Variants in SALL3 observed in about 807,000 individuals in gnomAD.
SALL3 encodes the protein spalt like transcription factor 3, also known as sal-like protein 3.
Under a neutral mutation model 66.2 loss-of-function variants are expected in SALL3, and 25 were observed. That is an observed-to-expected ratio of 0.38 (90% CI 0.28 to 0.53). SALL3 has a LOEUF of 0.53. Among genes scored for constraint, SALL3 ranks in the 20% least tolerant of loss-of-function variants. The pLI is 0.85. For missense variants in SALL3, 2,194 were observed against 1,916.5 expected (o/e 1.14, Z -2.70); for synonymous variants, 1,152 against 899.1 (o/e 1.28, Z -5.03).
chr18:78,995,566 C>G, intron 2 of SALL3, 104 bp downstream of exon 2: 1 of 1,446,626 alleles, frequency 6.9e-7, no homozygotes, highest in Non-Finnish European at 9.1e-7. Flanking sequence ...TGCTCCTATC[C>G]TGGCCAGGGG....
rs1224954501 is a variant in SALL3, at chr18:78,997,031, A to G, written c.3612A>G (p.Ala1204=). ...TCCAGAAGGACCTGGCAGCTCGGGC[A>G]ATGAACGTCGACCCCAGTTTTTGGA... ...EMFQKDLAAR[A]MNVDPSFWNQ... The change falls in exon 3 of 3, where the codon GCA becomes GCG. Residue 1204 remains alanine, a synonymous_variant. Transcript: ENST00000537592. 2 of 1,614,164 alleles carry G rather than the reference A, an allele frequency of 1.2e-6. No individual in the cohort carries two copies. The highest frequency in any genetic ancestry group is 1.7e-6 in the Non-Finnish European group (2 of 1,180,044).
chr18:78,991,921 TAGAA>T (rs1397041370), intron 1 of SALL3, 149 bp from the exon 2 acceptor site: 7 of 535,710 alleles, frequency 1.3e-5, no homozygotes, highest in African/African-American at 9.9e-5. Flanking sequence ...ATTAGCTAGC[TAGAA>T]AGAGTCATAG....
At position 78,994,683 on chromosome 18, in the gene SALL3, G is replaced by C. The variant is rs199567878; in HGVS notation, c.2692G>C (p.Glu898Gln). 21 of 1,608,014 alleles carry C rather than the reference G, an allele frequency of 1.3e-5. No individual in the cohort carries two copies. In the South Asian group the frequency reaches 2.0e-4, roughly 15 times the overall value. The change falls in exon 2 of 3, where the codon GAG becomes CAG. Residue 898 changes from glutamate (E) to glutamine (Q), a missense_variant. Coordinates refer to ENST00000537592, the MANE Select transcript of SALL3 (RefSeq NM_171999.4). ...SRSAGSPALS[E>Q]SSSSQALSPA... ...CAGCGCGGGCAGCCCCGCCCTGTCC[G>C]AGTCCTCGTCCTCGCAGGCCCTGTC...
intron 1 of SALL3, among the ~76,000 whole-genome samples, chr18:78,987,583 G>GA (rs778269826): frequency 2.3e-3 from 341 of 150,578 alleles, no homozygotes; most frequent in African/African-American, 3.7e-3. Context: ...AAATTAAATG[G>GA]AAAAAAAAAC....
Position 78,993,251 on chromosome 18 carries a change from C to T in SALL3, c.1260C>T (p.His420=), listed in dbSNP as rs765412501. Residue 420 remains histidine, a synonymous_variant, in exon 2 of 3, where the codon CAC becomes CAT. Transcript: ENST00000537592. ...GCGCCGAGGACCCGTTCTTCAAGCACAAATGCCGCTTCTGCGCCAAGGTCT... is the reference window on the plus strand; with the variant it reads ...GCGCCGAGGACCCGTTCTTCAAGCATAAATGCCGCTTCTGCGCCAAGGTCT... ...KASAEDPFFK[H]KCRFCAKVFG... is the part of the protein sequence containing the mutation. 3.1e-6 allele frequency: 5 copies of T among 1,610,832 alleles called. No homozygotes were observed. Among genetic ancestry groups the T allele is most frequent in the South Asian group, 2.2e-5 (2 of 90,988 alleles).
At chr18:78,986,375 G>A (rs1158955033) in intron 1 of SALL3, among the ~76,000 whole-genome samples, 1 of 152,166 alleles carries the variant, frequency 6.6e-6, no homozygotes, top group African/African-American at 2.4e-5. Flanking sequence ...ACTGTTCAGC[G>A]CTGTGCGTAC....
In SALL3 at chr18:78,993,945, C is replaced by T. The variant is rs759725255; in HGVS notation, c.1954C>T (p.Leu652=). ...CAAGGCCCAGTTTCCGTTCGGGGGG[C>T]TGCTAGACTCGATGCAAACGTCGGA... is the stretch of plus-strand genomic sequence containing the variant. ...QFKAQFPFGG[L]LDSMQTSETS... is the part of the protein sequence containing the mutation. The change falls in exon 2 of 3, where the codon CTG becomes TTG. Residue 652 remains leucine (L), a synonymous_variant. Coordinates refer to ENST00000537592, the MANE Select transcript of SALL3 (RefSeq NM_171999.4). 3.1e-6 allele frequency: 5 copies of T among 1,610,154 alleles called. No individual in the cohort carries two copies. Among genetic ancestry groups the T allele is most frequent in the Non-Finnish European group, 4.2e-6 (5 of 1,178,726 alleles).
At position 78,992,090 on chromosome 18, in the gene SALL3, T is replaced by A; in HGVS notation, c.99T>A (p.Gly33=). The change falls in exon 2 of 3, where the codon GGT becomes GGA. Residue 33 remains glycine, a synonymous_variant. Transcript: ENST00000537592. ...GAPEHAAPGE[G]AEDADSGPES... is the part of the protein sequence containing the mutation. ...GTCTTGCAGCCGCCCCGGGGGAAGG[T>A]GCGGAGGACGCAGACAGCGGGCCCG... The A allele has an allele frequency of 6.5e-7, 1 of 1,546,396 alleles. No individual in the cohort carries two copies.
intron 2 of SALL3, among the ~76,000 whole-genome samples, chr18:78,996,452 CTTTG>C (rs1337141880): frequency 2.0e-5 from 3 of 152,166 alleles, no homozygotes; most frequent in Non-Finnish European, 4.4e-5. Flanking sequence ...ATTAATGTTT[CTTTG>C]TTTGAGAGAA....
chr18:78,988,345 C>G (rs957000157), intron 1 of SALL3, among the ~76,000 whole-genome samples: 1 of 152,262 alleles, frequency 6.6e-6, no homozygotes, highest in East Asian at 1.9e-4. Flanking sequence ...CAGATTGGCA[C>G]ATAAACACTG....
chr18:78,992,781 C>G lies in SALL3; in HGVS notation c.790C>G (p.Leu264Val). 1.0e-6 allele frequency: 1 copy of G among 1,001,360 alleles called. No individual in the cohort carries two copies. Among genetic ancestry groups the G allele is most frequent in the South Asian group, 4.5e-5 (1 of 22,036 alleles). 62.0% of individuals were successfully genotyped at this position (1,001,360 alleles called of 1,614,324 possible). Reference sequence around the variant, plus strand: ...CAGCCAGCTGCCCGGGCTGGCCGCGCTCCCGCTGTCGGCCGGGGCCCCTGC... The same window carrying G: ...CAGCCAGCTGCCCGGGCTGGCCGCGGTCCCGCTGTCGGCCGGGGCCCCTGC... ...APSQLPGLAA[L>V]PLSAGAPAAA... The change falls in exon 2 of 3, where the codon CTC becomes GTC. Residue 264 changes from leucine to valine, a missense_variant. Coordinates refer to ENST00000537592, the MANE Select transcript of SALL3 (RefSeq NM_171999.4).
chr18:78,996,444 T>G (rs770330713), intron 2 of SALL3, among the ~76,000 whole-genome samples: 14 of 152,146 alleles, frequency 9.2e-5, no homozygotes, highest in South Asian at 2.1e-4. Flanking sequence ...GTTCTAGAAT[T>G]AATGTTTCTT....
Position 78,994,198 on chromosome 18 carries a change from G to A in SALL3, c.2207G>A (p.Arg736His), listed in dbSNP as rs781729442. 4 of 1,613,304 alleles carry A rather than the reference G, an allele frequency of 2.5e-6. No homozygotes were observed. Among genetic ancestry groups the A allele is most frequent in the Admixed American group, 1.7e-5 (1 of 60,000 alleles). Residue 736 changes from arginine to histidine, a missense_variant, in exon 2 of 3, where the codon CGC (arginine) becomes CAC (histidine). Physicochemically the swap from Arg to His is conservative, Grantham distance 29. Transcript: ENST00000537592. Reference protein sequence around the residue: ...FGVHRAKPPLRVQHSCPICQK... With the variant: ...FGVHRAKPPLHVQHSCPICQK... ...GTGCACCGTGCAAAGCCGCCCCTGC[G>A]CGTGCAGCACTCCTGCCCCATCTGC...
rs1182481860 is a variant in SALL3 at position 78,998,355 on chromosome 18, A to G, written c.*1033A>G. The G allele has an allele frequency of 1.3e-5, 2 of 152,246 alleles. No homozygotes were observed. Among genetic ancestry groups the G allele is most frequent in the Non-Finnish European group, 2.9e-5 (2 of 68,044 alleles). The allele number at this position is 152,246 out of a possible 1,614,324, so 9.4% of individuals were successfully genotyped here. A position where few individuals can be genotyped will look rare whatever the true frequency, so the allele number is the denominator to read the frequency against. On this transcript the variant is annotated 3_prime_UTR_variant, in exon 3 of 3. Transcript: ENST00000537592. The stretch of plus-strand genomic sequence containing the variant: ...TTAAGGAAAATGGGAAAACTGTTAC[A>G]GTTCCTTGTTTTGTCTTATGGTCAA...
chr18:78,989,373 G>A (rs1410354731), intron 1 of SALL3, among the ~76,000 whole-genome samples: 3 of 152,122 alleles, frequency 2.0e-5, no homozygotes, highest in Non-Finnish European at 4.4e-5. Context: ...TTTGCAAAAA[G>A]CACAAGATCT....
chr18:78,982,352 C>G (rs1216216728), intron 1 of SALL3, among the ~76,000 whole-genome samples: 1 of 152,214 alleles, frequency 6.6e-6, no homozygotes, highest in Non-Finnish European at 1.5e-5. Context: ...TTTTTCACAG[C>G]ATCCAGAATT....
intron 1 of SALL3, among the ~76,000 whole-genome samples, chr18:78,981,830 C>A (rs1250896464): frequency 6.6e-6 from 1 of 152,054 alleles, no homozygotes; most frequent in Non-Finnish European, 1.5e-5. Context: ...TTTTGTATCG[C>A]CCTCAATGAC....
intron 2 of SALL3, among the ~76,000 whole-genome samples, chr18:78,996,653 T>G (rs767110798): frequency 6.6e-6 from 1 of 152,238 alleles, no homozygotes; most frequent in Non-Finnish European, 1.5e-5. Flanking sequence ...ACTCGAAAGT[T>G]TGTCAACTGA....
rs1275320419 is a variant in SALL3, at chr18:78,993,685, C to G, written c.1694C>G (p.Ser565Cys). The G allele has an allele frequency of 6.3e-7, 1 of 1,583,630 alleles. No homozygotes were observed. The change falls in exon 2 of 3, where the codon TCC becomes TGC. Residue 565 changes from serine (S) to cysteine (C), a missense_variant. Physicochemically the swap from Ser to Cys is moderately radical, Grantham distance 112. Transcript: ENST00000537592. ...RPSPASSECA[S>C]LSPGLNHVES... The stretch of plus-strand genomic sequence containing the variant: ...TCGCCCGCCTCCAGCGAGTGCGCCT[C>G]CTTGTCCCCAGGCCTCAACCACGTG...
Sources: allele counts gnomAD v4.1 joint callset (sites outside exome capture counted in the v4.1 genomes callset), GRCh38; gene constraint gnomAD v4.1.1; transcripts MANE v1.5; gene names NCBI Gene and HGNC (gene_info 2026-07-23, HGNC 2026-07-21).